Variants in CSMD3 observed in about 807,000 individuals in gnomAD.
The protein encoded by CSMD3 is CUB and Sushi multiple domains 3, also known as CUB and sushi domain-containing protein 3.
A neutral mutation model predicts 435.2 loss-of-function variants in CSMD3; 177 were observed. The ratio of observed to expected loss-of-function variants is 0.41; its 90% CI spans 0.36 to 0.46. CSMD3 has a LOEUF of 0.46. Among genes scored for constraint, CSMD3 ranks in the 20% least tolerant of loss-of-function variants. The pLI is 0.34. For synonymous variants in CSMD3, 1,656 were observed against 1,520.5 expected, an observed-to-expected ratio of 1.09 and a Z score of -2.07; for missense variants, 4,265 against 4,504.6, an observed-to-expected ratio of 0.95 and a Z score of 1.52.
intron 10 of CSMD3, among the ~76,000 whole-genome samples, chr8:112,897,688 CTCTCTCTGTG>C (rs762974960): frequency 0.014 from 1,226 of 89,904 alleles, 35 homozygotes; most frequent in Admixed American, 0.092. Context: ...CTCTCTCTCT[CTCTCTCTGTG>C]TGTGTGTGTG....
chr8:113,381,973 A>G lies in CSMD3; in HGVS notation c.178+54704T>C, dbSNP rs187820510. ...TTTACATTAGCATCTCTAAAAATTA[A>G]TGTTTAATATCTAATTACAGTTAAT... is the stretch of plus-strand genomic sequence containing the variant. On this transcript the variant is annotated intron_variant, in intron 1 of 70. Coordinates refer to ENST00000297405, the MANE Select transcript of CSMD3 (RefSeq NM_198123.2). Among the ~76,000 whole-genome samples, 3 of 152,280 alleles carry G rather than the reference A, an allele frequency of 2.0e-5. No individual in the cohort carries two copies. In the East Asian group the frequency reaches 5.8e-4, roughly 29 times the overall value.
intron 4 of CSMD3, among the ~76,000 whole-genome samples, chr8:113,114,542 T>G (rs781527126): frequency 3.3e-5 from 5 of 152,168 alleles, no homozygotes; most frequent in Non-Finnish European, 7.4e-5. Flanking sequence ...AGAAAGACCC[T>G]GACCTAGGCA....
At position 112,750,067 on chromosome 8, in the gene CSMD3, C is replaced by T. The variant is rs543443956; in HGVS notation, c.1972+50095G>A. 4.6e-5 allele frequency among the ~76,000 whole-genome samples: 7 copies of T among 152,070 alleles called. No individual in the cohort carries two copies. The East Asian group carries it at 5.8e-4, about 13-fold the overall frequency. On this transcript the variant is annotated intron_variant, in intron 13 of 70. Transcript: ENST00000297405. ...AAATTTATAAAGAAGATACTAAAAA[C>T]GAGCCTTCTGCAAGCACATAAGTCG...
chr8:112,917,972 A>G (rs2082622180), intron 10 of CSMD3, among the ~76,000 whole-genome samples: 1 of 151,898 alleles, frequency 6.6e-6, no homozygotes, highest in African/African-American at 2.4e-5. Context: ...CTGCCCACAT[A>G]TTATTTTCTC....
At chr8:112,957,456 T>G (rs1361716017) in intron 7 of CSMD3, among the ~76,000 whole-genome samples, 2 of 152,178 alleles carry the variant, frequency 1.3e-5, no homozygotes, top group African/African-American at 4.8e-5. Context: ...CATATTTTTG[T>G]TTGTTTGTTT....
chr8:112,249,518 A>G (rs1815072224), intron 63 of CSMD3, among the ~76,000 whole-genome samples: 1 of 152,028 alleles, frequency 6.6e-6, no homozygotes, highest in South Asian at 2.1e-4. Context: ...ATAATCTTCT[A>G]ATTTGTCTCC....
intron 1 of CSMD3, among the ~76,000 whole-genome samples, chr8:113,330,898 A>G (rs1287557376): frequency 1.3e-5 from 2 of 151,858 alleles, no homozygotes; most frequent in Non-Finnish European, 3.0e-5. Flanking sequence ...CAAAGATATA[A>G]AATACTCGAG....
intron 1 of CSMD3, among the ~76,000 whole-genome samples, chr8:113,345,967 T>A (rs562341672): frequency 6.6e-6 from 1 of 151,818 alleles, no homozygotes; most frequent in African/African-American, 2.4e-5. Context: ...CCCAAGTCTA[T>A]CTCTATTGAT....
chr8:112,637,181 A>G (rs1429117530), intron 21 of CSMD3, among the ~76,000 whole-genome samples, 176 bp from the exon 22 acceptor site: 1 of 152,178 alleles, frequency 6.6e-6, no homozygotes, highest in Non-Finnish European at 1.5e-5. Context: ...TTTTTCTGTG[A>G]AATAGCTAAT....
At chr8:112,523,989 C>T (rs1415994076) in intron 27 of CSMD3, among the ~76,000 whole-genome samples, 8 of 152,012 alleles carry the variant, frequency 5.3e-5, no homozygotes, top group Non-Finnish European at 1.0e-4. Context: ...TAATATACTT[C>T]CAAGTATATA....
At chr8:112,325,292 C>T (rs939494756) in intron 45 of CSMD3, among the ~76,000 whole-genome samples, 2 of 151,984 alleles carry the variant, frequency 1.3e-5, no homozygotes, top group African/African-American at 4.8e-5. Flanking sequence ...ATTTTATGTT[C>T]TGTATAATTT....
intron 1 of CSMD3, among the ~76,000 whole-genome samples, chr8:113,394,191 C>CACA (rs2094473371): frequency 6.6e-6 from 1 of 150,670 alleles, no homozygotes; most frequent in African/African-American, 2.4e-5. Flanking sequence ...CACACACACA[C>CACA]AAGGGGTTTA....
rs538383451 is a variant in CSMD3, at chr8:112,425,919, G to A, written c.5396-16887C>T. On this transcript the variant is annotated intron_variant, in intron 32 of 70. Coordinates refer to ENST00000297405, the MANE Select transcript of CSMD3 (RefSeq NM_198123.2). ...CATAAGTGTATTTTTTTAATGGGAA[G>A]AAACACACACTGAAGTTTGGACTCT... Among the ~76,000 whole-genome samples, 25 of 152,172 alleles carry A rather than the reference G, an allele frequency of 1.6e-4. 1 individual carries two copies. The highest frequency in any genetic ancestry group is 5.8e-4 in the African/African-American group (24 of 41,542).
At chr8:113,129,510 G>C (rs1033661393) in intron 4 of CSMD3, among the ~76,000 whole-genome samples, 12 of 152,134 alleles carry the variant, frequency 7.9e-5, no homozygotes, top group Admixed American at 2.6e-4. Context: ...ATGGAAATTT[G>C]TCATGCAATT....
chr8:113,318,786 A>ATGTGTGTGTGTGTG (rs56269027), intron 1 of CSMD3, among the ~76,000 whole-genome samples: 5,599 of 140,036 alleles, frequency 0.04, 182 homozygotes, highest in Non-Finnish European at 0.052. Flanking sequence ...GCTGAATAAG[A>ATGTGTGTGTGTGTG]TGTGTGTGTG....
chr8:112,627,919 G>A (rs556916600), intron 22 of CSMD3, among the ~76,000 whole-genome samples: 1 of 152,202 alleles, frequency 6.6e-6, no homozygotes, highest in African/African-American at 2.4e-5. Context: ...ACCTTCAAAG[G>A]ACTTACAGGT....
At chr8:112,382,755 C>T (rs1280930543) in intron 37 of CSMD3, among the ~76,000 whole-genome samples, 1 of 152,102 alleles carries the variant, frequency 6.6e-6, no homozygotes, top group African/African-American at 2.4e-5. Flanking sequence ...TTTGGGAGGC[C>T]AAGGCAGGTG....
intron 2 of CSMD3, among the ~76,000 whole-genome samples, chr8:113,307,792 A>G (rs1289772617): frequency 1.3e-5 from 2 of 152,198 alleles, no homozygotes; most frequent in Non-Finnish European, 2.9e-5. Flanking sequence ...CAAAAGTGCA[A>G]AATAATACCA....
intron 1 of CSMD3, among the ~76,000 whole-genome samples, chr8:113,329,643 A>G (rs1269209375): frequency 6.6e-6 from 1 of 152,094 alleles, no homozygotes; most frequent in Non-Finnish European, 1.5e-5. Flanking sequence ...CTACACATCC[A>G]GGAAAAATAA....
Sources: allele counts gnomAD v4.1 joint callset (sites outside exome capture counted in the v4.1 genomes callset), GRCh38; gene constraint gnomAD v4.1.1; transcripts MANE v1.5; gene names NCBI Gene and HGNC (gene_info 2026-07-23, HGNC 2026-07-21).